Variants in ADCY5 observed in about 807,000 individuals in gnomAD.
The protein encoded by ADCY5 is adenylate cyclase type 5.
A neutral mutation model predicts 119.7 loss-of-function variants in ADCY5; 30 were observed. The ratio of observed to expected loss-of-function variants is 0.25; its 90% CI spans 0.19 to 0.34. The LOEUF (loss-of-function observed/expected upper bound fraction) is 0.34, where lower values mean the gene tolerates loss of function less well. ADCY5 is among the 10% of genes least tolerant of loss of function. The pLI, the probability that ADCY5 is intolerant of heterozygous loss-of-function variation, is 1.00. For missense variants in ADCY5, 1,324 were observed against 1,775.2 expected, an observed-to-expected ratio of 0.75 and a Z score of 4.57; for synonymous variants, 753 against 762.2, an observed-to-expected ratio of 0.99 and a Z score of 0.20.
intron 18 of ADCY5, 27 bp downstream of exon 18, chr3:123,291,086 C>A: frequency 6.3e-7 from 1 of 1,592,164 alleles, no homozygotes; most frequent in Non-Finnish European, 8.6e-7. Context: ...CCCAGGAACA[C>A]AGCCTGACCC....
intron 1 of ADCY5, among the ~76,000 whole-genome samples, chr3:123,397,374 G>A (rs966663341): frequency 2.0e-5 from 3 of 152,334 alleles, no homozygotes; most frequent in Admixed American, 1.3e-4. Flanking sequence ...AGTGGCTCAC[G>A]CCTGTGATCC....
chr3:123,360,367 C>T (rs1441624488), intron 1 of ADCY5, among the ~76,000 whole-genome samples: 1 of 152,106 alleles, frequency 6.6e-6, no homozygotes, highest in Non-Finnish European at 1.5e-5. Flanking sequence ...GGGATTGTCA[C>T]TCTCCCTTGC....
chr3:123,383,859 A>G (rs1001692609), intron 1 of ADCY5, among the ~76,000 whole-genome samples: 15 of 150,984 alleles, frequency 9.9e-5, no homozygotes, highest in Admixed American at 3.3e-4. Flanking sequence ...CAAGGCACGC[A>G]CACACACACA....
chr3:123,416,241 G>GCAA, intron 1 of ADCY5: 1 of 1,536,140 alleles, frequency 6.5e-7, no homozygotes. Flanking sequence ...CACCTCTGCT[G>GCAA]CAACAGCCCT....
chr3:123,426,218 G>T (rs904879137), intron 1 of ADCY5, among the ~76,000 whole-genome samples: 3 of 152,174 alleles, frequency 2.0e-5, no homozygotes, highest in Non-Finnish European at 4.4e-5. Flanking sequence ...ATGGCAACAT[G>T]GGGGTGGACA....
rs1939269546 is a variant in ADCY5, at chr3:123,293,197, C to A, written c.3064-1821G>T. ...GAGCAGGCTCTCCTGAGAACTCAGA[C>A]CCTGCAGTTAGGCTAGGAGGGGGCC... On this transcript the variant is annotated intron_variant, in intron 17 of 20. Coordinates refer to ENST00000462833, the MANE Select transcript of ADCY5 (RefSeq NM_183357.3). 2.0e-5 allele frequency among the ~76,000 whole-genome samples: 3 copies of A among 152,318 alleles called. No individual in the cohort carries two copies. In the South Asian group the frequency reaches 6.2e-4, roughly 32 times the overall value.
chr3:123,407,546 G>A (rs992743753), intron 1 of ADCY5, among the ~76,000 whole-genome samples: 2 of 146,414 alleles, frequency 1.4e-5, no homozygotes, highest in African/African-American at 2.6e-5. Flanking sequence ...GAGCTCAGAA[G>A]GTTAAGACCA....
At chr3:123,339,650 T>A (rs1453137427) in intron 3 of ADCY5, among the ~76,000 whole-genome samples, 2 of 152,174 alleles carry the variant, frequency 1.3e-5, no homozygotes, top group African/African-American at 4.8e-5. Flanking sequence ...CTGTCAGGAC[T>A]GGGTCCAGGG....
In ADCY5 at chr3:123,282,854, G is replaced by A. The variant is rs1172372507; in HGVS notation, c.*1754C>T. 6 of 152,158 alleles carry A rather than the reference G, an allele frequency of 3.9e-5. No homozygotes were observed. The highest frequency in any genetic ancestry group is 7.3e-5 in the Non-Finnish European group (5 of 68,062). The allele number at this position is 152,158 out of a possible 1,614,324, so 9.4% of individuals were successfully genotyped here. A position where few individuals can be genotyped will look rare whatever the true frequency, so the allele number is the denominator to read the frequency against. On this transcript the variant is annotated 3_prime_UTR_variant, in exon 21 of 21. Coordinates refer to ENST00000462833, the MANE Select transcript of ADCY5 (RefSeq NM_183357.3). The stretch of plus-strand genomic sequence containing the variant: ...TTGTGGCAGCTGGCACAGAGCCACT[G>A]CCTCATCACCTCCAAGCTCATGTTG...
At chr3:123,353,916 A>G (rs1942947103) in intron 1 of ADCY5, among the ~76,000 whole-genome samples, 1 of 151,962 alleles carries the variant, frequency 6.6e-6, no homozygotes, top group Non-Finnish European at 1.5e-5. Context: ...GTCCATGAAG[A>G]CTTTCTCTTT....
At chr3:123,427,976 G>A (rs773736753) in intron 1 of ADCY5, among the ~76,000 whole-genome samples, 4 of 152,220 alleles carry the variant, frequency 2.6e-5, no homozygotes, top group Non-Finnish European at 4.4e-5. Context: ...AGTCAAGTTA[G>A]GGATGATGAG....
rs561503598 is a variant in ADCY5 at position 123,390,277 on chromosome 3, C to T, written c.1135-37696G>A. Among the ~76,000 whole-genome samples the T allele has an allele frequency of 7.9e-5, 12 of 152,294 alleles. No individual in the cohort carries two copies. The South Asian group carries it at 1.4e-3, about 18-fold the overall frequency. On this transcript the variant is annotated intron_variant, in intron 1 of 20. Coordinates refer to ENST00000462833, the MANE Select transcript of ADCY5 (RefSeq NM_183357.3). Reference sequence around the variant, plus strand: ...CATACCTGGATGCTGTGCTAGTGGCCGGATGTCAAAGCAGCCTTTATAATC... The same window carrying T: ...CATACCTGGATGCTGTGCTAGTGGCTGGATGTCAAAGCAGCCTTTATAATC...
At chr3:123,304,273 G>T in intron 12 of ADCY5, 90 bp from the exon 13 acceptor site, 1 of 843,312 alleles carries the variant, frequency 1.2e-6, no homozygotes, top group Non-Finnish European at 2.0e-6. Context: ...GAGTGCAGTG[G>T]ACCCACCTGT....
In ADCY5 at chr3:123,350,237, C is replaced by T. The variant is rs560293574; in HGVS notation, c.1284+2195G>A. ...ACTCGCTGAAACGCCACATCAGTGGCCTGTTAACTGTGTGTGAGGAGAGGC... is the reference window on the plus strand; with the variant it reads ...ACTCGCTGAAACGCCACATCAGTGGTCTGTTAACTGTGTGTGAGGAGAGGC... On this transcript the variant is annotated intron_variant, in intron 2 of 20. Coordinates refer to ENST00000462833, the MANE Select transcript of ADCY5 (RefSeq NM_183357.3). Among the ~76,000 whole-genome samples the T allele has an allele frequency of 2.0e-3, 303 of 152,338 alleles. 1 individual carries two copies. Among genetic ancestry groups the T allele is most frequent in the Middle Eastern group, 0.01 (3 of 294 alleles).
chr3:123,398,736 C>T (rs1478563686), intron 1 of ADCY5, among the ~76,000 whole-genome samples: 1 of 152,168 alleles, frequency 6.6e-6, no homozygotes, highest in Non-Finnish European at 1.5e-5. Flanking sequence ...TTTTCTTTGC[C>T]CATGCCATTA....
At chr3:123,359,711 T>C (rs1033016572) in intron 1 of ADCY5, among the ~76,000 whole-genome samples, 7 of 152,072 alleles carry the variant, frequency 4.6e-5, no homozygotes, top group Non-Finnish European at 7.4e-5. Context: ...CTCTGGGCAG[T>C]AGAAAAGGAG....
chr3:123,372,438 G>C (rs1559844485), intron 1 of ADCY5, among the ~76,000 whole-genome samples: 1 of 152,198 alleles, frequency 6.6e-6, no homozygotes, highest in Non-Finnish European at 1.5e-5. Flanking sequence ...ACCCAGGCAA[G>C]GAGATAGGAG....
intron 17 of ADCY5, among the ~76,000 whole-genome samples, chr3:123,294,877 T>C (rs1331979334): frequency 1.3e-5 from 2 of 152,070 alleles, no homozygotes; most frequent in Admixed American, 6.5e-5. Flanking sequence ...CGGTGGGTGA[T>C]AGAGCAAATG....
chr3:123,343,628 C>T (rs1576599643), intron 3 of ADCY5, among the ~76,000 whole-genome samples: 1 of 152,244 alleles, frequency 6.6e-6, no homozygotes, highest in Admixed American at 6.5e-5. Flanking sequence ...CTCTCCCCTC[C>T]CCAGGCAGAG....
Sources: allele counts gnomAD v4.1 joint callset (sites outside exome capture counted in the v4.1 genomes callset), GRCh38; gene constraint gnomAD v4.1.1; transcripts MANE v1.5; gene names NCBI Gene and HGNC (gene_info 2026-07-23, HGNC 2026-07-21).